Variants in LMF1 observed in about 807,000 individuals in gnomAD.
The protein encoded by LMF1 is transmembrane protein 112.
In LMF1, 68 loss-of-function variants were observed where a neutral mutation model predicts 60.6. The ratio of observed to expected loss-of-function variants is 1.12; its 90% CI spans 0.92 to 1.37. The LOEUF (loss-of-function observed/expected upper bound fraction) is 1.37, where lower values mean the gene tolerates loss of function less well. LMF1 is among the 40% of genes most tolerant of loss of function. LMF1 has a pLI of 0.00. For synonymous variants in LMF1, 418 were observed against 324.7 expected (o/e 1.29, Z -3.09); for missense variants, 948 against 767.2 (o/e 1.24, Z -2.78).
intron 3 of LMF1, among the ~76,000 whole-genome samples, chr16:912,999 G>C (rs535129065): frequency 2.0e-4 from 30 of 152,300 alleles, no homozygotes; most frequent in African/African-American, 6.7e-4. Flanking sequence ...CCAGGCACCC[G>C]AACGAGGCGG....
At chr16:876,985 C>T (rs929704597) in intron 6 of LMF1, among the ~76,000 whole-genome samples, 1 of 152,148 alleles carries the variant, frequency 6.6e-6, no homozygotes, top group Non-Finnish European at 1.5e-5. Flanking sequence ...GAAAGACGGC[C>T]ACGCTGACCC....
chr16:954,601 A>G lies in LMF1; in HGVS notation c.259T>C (p.Cys87Arg), dbSNP rs780642602. 2 of 1,611,344 alleles carry G rather than the reference A, an allele frequency of 1.2e-6. No homozygotes were observed. Among genetic ancestry groups the G allele is most frequent in the Admixed American group, 3.3e-5 (2 of 59,994 alleles). Reference sequence around the variant, plus strand: ...TGGAAGTTCTTCAGGAACACTCTGCAGGGAAGCAGCCCCCTGTCACCGATG... The same window carrying G: ...TGGAAGTTCTTCAGGAACACTCTGCGGGGAAGCAGCCCCCTGTCACCGATG... ...QLIGDRGLLP[C>R]RVFLKNFQQY... is the part of the protein sequence containing the mutation. Residue 87 changes from cysteine (C) to arginine (R), a missense_variant, in exon 2 of 11, where the codon TGC (cysteine) becomes CGC (arginine). Transcript: ENST00000262301.
At chr16:934,415 A>G in intron 2 of LMF1, 161 bp from the exon 3 acceptor site, 1 of 811,020 alleles carries the variant, frequency 1.2e-6, no homozygotes, top group Non-Finnish European at 2.0e-6. Flanking sequence ...GGGGAACAGG[A>G]GCCCCTCCCC....
intron 1 of LMF1, among the ~76,000 whole-genome samples, chr16:977,686 AGGGGGACGG>A (rs201692320): frequency 0.2 from 21,687 of 108,078 alleles, 1,945 homozygotes; most frequent in African/African-American, 0.3. Flanking sequence ...GGGTGGATGG[AGGGGGACGG>A]GGAGGACGGG....
At chr16:917,774 C>T (rs1008086259) in intron 3 of LMF1, among the ~76,000 whole-genome samples, 7 of 152,336 alleles carry the variant, frequency 4.6e-5, no homozygotes, top group African/African-American at 1.7e-4. Context: ...CGCCCGGCAC[C>T]CCCGGCCTCC....
In LMF1 at chr16:879,529, G is replaced by A. The variant is rs372227664; in HGVS notation, c.897+41C>T. Reference sequence around the variant, plus strand: ...GCCAGAAATAGGGCGACGGGCCAGCGTCTCTGTGGACACGGGGCAGGGCGG... The same window carrying A: ...GCCAGAAATAGGGCGACGGGCCAGCATCTCTGTGGACACGGGGCAGGGCGG... On this transcript the variant is annotated intron_variant, in intron 6 of 10. Transcript: ENST00000262301. 217 of 1,603,120 alleles carry A rather than the reference G, an allele frequency of 1.4e-4. 1 individual carries two copies. Among genetic ancestry groups the A allele is most frequent in the Non-Finnish European group, 1.4e-4 (170 of 1,173,786 alleles).
rs74001077 is a variant in LMF1 at position 857,039 on chromosome 16, C to T, written c.1530-2333G>A. ...TGAGTGGAACCCTGCGGCACGTACC[C>T]GCGGGGCAGGCGATTCTCACGCCAA... is the stretch of plus-strand genomic sequence containing the variant. On this transcript the variant is annotated intron_variant, in intron 10 of 10. Coordinates refer to ENST00000262301, the MANE Select transcript of LMF1 (RefSeq NM_022773.4). Among the ~76,000 whole-genome samples the T allele has an allele frequency of 3.2e-3, 483 of 152,384 alleles. 2 individuals carry two copies. Among genetic ancestry groups the T allele is most frequent in the African/African-American group, 0.011 (452 of 41,592 alleles).
At chr16:944,963 C>A (rs1448123028) in intron 2 of LMF1, among the ~76,000 whole-genome samples, 1 of 145,186 alleles carries the variant, frequency 6.9e-6, no homozygotes, top group African/African-American at 2.6e-5. Context: ...CCTGTAATCC[C>A]AGCAGTTTGG....
chr16:947,136 G>C (rs917050273), intron 2 of LMF1, among the ~76,000 whole-genome samples: 2 of 152,262 alleles, frequency 1.3e-5, no homozygotes, highest in African/African-American at 4.8e-5. Flanking sequence ...GCTGACAGAA[G>C]AGACGCCCAG....
rs1318048816 is a variant in LMF1, at chr16:871,983, G to T, written c.898-642C>A. On this transcript the variant is annotated intron_variant, in intron 6 of 10. Transcript: ENST00000262301. ...CTCAGCAGCAGCAGTGAGTAAACCT[G>T]CGGCAGGAGGGACTCAGAGGGACCC... 2.0e-5 allele frequency: 3 copies of T among 152,426 alleles called. No individual in the cohort carries two copies. In the East Asian group the frequency reaches 5.8e-4, roughly 29 times the overall value. 9.4% of individuals were successfully genotyped at this position (152,426 alleles called of 1,614,324 possible).
At chr16:856,211 C>A (rs937726336) in intron 10 of LMF1, among the ~76,000 whole-genome samples, 5 of 151,944 alleles carry the variant, frequency 3.3e-5, no homozygotes, top group Non-Finnish European at 7.4e-5. Flanking sequence ...AGGGGTCTTT[C>A]CTGGACCCCT....
intron 5 of LMF1, among the ~76,000 whole-genome samples, chr16:887,795 G>C (rs1567185174): frequency 6.6e-6 from 1 of 152,064 alleles, no homozygotes; most frequent in East Asian, 1.9e-4. Context: ...AGTGACCTCA[G>C]GCAGGGGCAG....
chr16:981,103 G>T (rs767888308), intron 1 of LMF1: 1 of 380,538 alleles, frequency 2.6e-6, no homozygotes, highest in Non-Finnish European at 5.3e-6. Flanking sequence ...GGGCGGCCCG[G>T]GGTCCCCCAG....
At chr16:957,103 A>G (rs1272268293) in intron 1 of LMF1, among the ~76,000 whole-genome samples, 1 of 152,162 alleles carries the variant, frequency 6.6e-6, no homozygotes, top group Admixed American at 6.5e-5. Flanking sequence ...GTGAGCCGAG[A>G]TGGCACCATT....
intron 2 of LMF1, among the ~76,000 whole-genome samples, chr16:937,596 G>A (rs2071982651): frequency 6.6e-6 from 1 of 152,200 alleles, no homozygotes. Context: ...GACCCCCGAT[G>A]CCCTGCAGAT....
At chr16:871,393 G>C (rs1156261337) in intron 6 of LMF1, 52 bp from the exon 7 acceptor site, 5 of 1,583,528 alleles carry the variant, frequency 3.2e-6, no homozygotes, top group Non-Finnish European at 4.3e-6. Flanking sequence ...TGGGGCCCCT[G>C]GGCAGCTGGC....
At position 947,742 on chromosome 16, in the gene LMF1, C is replaced by T. The variant is rs1298392021; in HGVS notation, c.503+6615G>A. The stretch of plus-strand genomic sequence containing the variant: ...GCAGGGCCACTGCCAAAGCCAAGCG[C>T]GGATGACAGTCAGAGCCAACGAGAG... On this transcript the variant is annotated intron_variant, in intron 2 of 10. Transcript: ENST00000262301. 5.5e-5 allele frequency: 20 copies of T among 364,878 alleles called. 1 individual carries two copies. Among genetic ancestry groups the T allele is most frequent in the South Asian group, 1.6e-4 (8 of 49,156 alleles). 22.6% of individuals were successfully genotyped at this position (364,878 alleles called of 1,614,324 possible).
intron 4 of LMF1, among the ~76,000 whole-genome samples, chr16:896,979 T>A (rs2070681850): frequency 6.6e-6 from 1 of 151,858 alleles, no homozygotes; most frequent in African/African-American, 2.4e-5. Flanking sequence ...TTGAGGCTTT[T>A]CAGCCCAAAA....
intron 1 of LMF1, among the ~76,000 whole-genome samples, chr16:967,856 G>A (rs2072957544): frequency 6.6e-6 from 1 of 152,224 alleles, no homozygotes; most frequent in South Asian, 2.1e-4. Flanking sequence ...GCTGTCCACT[G>A]GGGGTAGTGG....
Sources: gnomAD v4.1 joint callset for allele counts (sites outside exome capture counted in the v4.1 genomes callset) on GRCh38, gnomAD v4.1.1 for gene constraint, MANE v1.5 for transcripts, NCBI Gene and HGNC (gene_info 2026-07-23, HGNC 2026-07-21) for gene names.